DUSP11: variants seen among roughly 807,000 people sequenced by gnomAD.
DUSP11 encodes the protein RNA/RNP complex-1-interacting phosphatase.
A neutral mutation model predicts 41.4 loss-of-function variants in DUSP11; 27 were observed. That is an observed-to-expected ratio of 0.65 (90% CI 0.48 to 0.90). The LOEUF (loss-of-function observed/expected upper bound fraction) is 0.90, where lower values mean the gene tolerates loss of function less well. Among genes scored for constraint, DUSP11 ranks in the 40% least tolerant of loss-of-function variants. The probability of loss-of-function intolerance (pLI) is 0.00; values close to 1 mark genes in which losing one functional copy is unlikely to be tolerated. For missense variants in DUSP11, 465 were observed against 461.1 expected, an observed-to-expected ratio of 1.01 and a Z score of -0.08; for synonymous variants, 188 against 159.3, an observed-to-expected ratio of 1.18 and a Z score of -1.35.
chr2:73,778,911 G>T (rs1478660795), intron 1 of DUSP11, among the ~76,000 whole-genome samples: 1 of 152,104 alleles, frequency 6.6e-6, no homozygotes, highest in East Asian at 1.9e-4. Flanking sequence ...AATTTGGGAG[G>T]CTGAGGCAGG....
At chr2:73,765,551 C>CCCACCCAT (rs1304884571) in intron 8 of DUSP11, among the ~76,000 whole-genome samples, 1 of 151,742 alleles carries the variant, frequency 6.6e-6, no homozygotes, top group East Asian at 1.9e-4. Context: ...CTCCCATCCA[C>CCCACCCAT]CCACCCATCC....
At chr2:73,769,035 A>G in intron 5 of DUSP11, 1 of 404,592 alleles carries the variant, frequency 2.5e-6, no homozygotes, top group Non-Finnish European at 4.4e-6. Context: ...ATTAAAAAAC[A>G]GAATGTCTAA....
chr2:73,770,324 G>A (rs1286595948), intron 4 of DUSP11, among the ~76,000 whole-genome samples: 2 of 151,876 alleles, frequency 1.3e-5, no homozygotes, highest in African/African-American at 4.8e-5. Context: ...AGACCAGCCT[G>A]GCCAATATGG....
chr2:73,776,279 G>A (rs974326793), intron 2 of DUSP11, among the ~76,000 whole-genome samples: 1 of 151,874 alleles, frequency 6.6e-6, no homozygotes, highest in African/African-American at 2.4e-5. Context: ...GCCAGGCGTG[G>A]TGGCAGGCGC....
At chr2:73,766,565 C>T in exon 8 of DUSP11, 2 of 1,613,318 alleles carry the variant, frequency 1.2e-6, no homozygotes, top group African/African-American at 1.3e-5. Context: ...TTCAAAATCA[C>T]TTGACCTGGG....
intron 4 of DUSP11, among the ~76,000 whole-genome samples, chr2:73,771,727 C>T (rs1311835347): frequency 6.8e-6 from 1 of 146,954 alleles, no homozygotes; most frequent in East Asian, 2.0e-4. Flanking sequence ...TGGTCTCGAT[C>T]TCCTGACCTC....
exon 8 of DUSP11, chr2:73,766,550 G>A (rs1335873651): frequency 6.2e-7 from 1 of 1,613,856 alleles, no homozygotes; most frequent in East Asian, 2.2e-5. Flanking sequence ...GAGATGTGCT[G>A]AGTCTTCAAA....
chr2:73,765,520 C>T (rs1402081632), intron 8 of DUSP11, among the ~76,000 whole-genome samples: 1 of 152,086 alleles, frequency 6.6e-6, no homozygotes, highest in Non-Finnish European at 1.5e-5. Context: ...TAAGCTGATA[C>T]CCCGAATAAA....
At chr2:73,772,061 C>T (rs1027610409) in intron 4 of DUSP11, among the ~76,000 whole-genome samples, 4 of 151,990 alleles carry the variant, frequency 2.6e-5, no homozygotes, top group Non-Finnish European at 5.9e-5. Flanking sequence ...ACCTCGTGAT[C>T]CGCCCACCTC....
intron 4 of DUSP11, among the ~76,000 whole-genome samples, chr2:73,771,903 C>T (rs1419127881): frequency 2.8e-5 from 4 of 144,670 alleles, no homozygotes; most frequent in Admixed American, 1.4e-4. Flanking sequence ...TCACTGAAAG[C>T]TCCGCCTCCC....
intron 4 of DUSP11, among the ~76,000 whole-genome samples, chr2:73,772,788 T>C (rs1033787164): frequency 6.6e-6 from 1 of 152,248 alleles, no homozygotes; most frequent in African/African-American, 2.4e-5. Context: ...AGTGAGCGAC[T>C]AGGTTACAAT....
intron 5 of DUSP11, chr2:73,768,577 G>A (rs1294125747): frequency 2.0e-6 from 2 of 985,180 alleles, no homozygotes; most frequent in South Asian, 4.7e-5. Context: ...ACATAGAAAT[G>A]TTCACTACTT....
chr2:73,776,620 G>C (rs556449169), intron 2 of DUSP11, among the ~76,000 whole-genome samples: 21 of 151,998 alleles, frequency 1.4e-4, no homozygotes, highest in Non-Finnish European at 2.6e-4. Context: ...AAAGTCTAGA[G>C]GTTAGGTATG....
intron 4 of DUSP11, among the ~76,000 whole-genome samples, chr2:73,772,642 A>G (rs1182848004): frequency 1.3e-5 from 2 of 152,232 alleles, no homozygotes; most frequent in Non-Finnish European, 2.9e-5. Context: ...CTGTACCCTC[A>G]TATCTTAAAA....
chr2:73,771,315 C>T (rs1277002527), intron 4 of DUSP11, among the ~76,000 whole-genome samples: 3 of 152,208 alleles, frequency 2.0e-5, no homozygotes, highest in Non-Finnish European at 2.9e-5. Flanking sequence ...GCTGCCTCTC[C>T]ATGGCTTTAG....
chr2:73,768,980 A>G (rs115321295), intron 5 of DUSP11: 3,173 of 272,570 alleles, frequency 0.012, 48 homozygotes, highest in Non-Finnish European at 0.015. Flanking sequence ...AAAAAAGAAT[A>G]AGGAGTCCAA....
In DUSP11 at chr2:73,765,833, A is replaced by G. The variant is rs371334244; in HGVS notation, c.935+585T>C. Among the ~76,000 whole-genome samples, 58 of 152,356 alleles carry G rather than the reference A, an allele frequency of 3.8e-4. No individual in the cohort carries two copies. The South Asian group carries it at 0.011, about 29-fold the overall frequency. ...TACTACATTAATGTAGCCTAAGAATATAAGATCCTTTTTGATAGCCACATC... is the reference window on the plus strand; with the variant it reads ...TACTACATTAATGTAGCCTAAGAATGTAAGATCCTTTTTGATAGCCACATC... On this transcript the variant is annotated intron_variant, in intron 8 of 8. Coordinates refer to ENST00000272444, the Ensembl canonical transcript of DUSP11.
chr2:73,770,684 C>T (rs1022056129), intron 4 of DUSP11, among the ~76,000 whole-genome samples: 1 of 152,120 alleles, frequency 6.6e-6, no homozygotes, highest in Non-Finnish European at 1.5e-5. Context: ...CTCAATTTAG[C>T]ATAGCATGAA....
exon 8 of DUSP11, chr2:73,766,542 G>C (rs1468280387): frequency 6.2e-7 from 1 of 1,613,966 alleles, no homozygotes. Flanking sequence ...GGTTGCATGA[G>C]ATGTGCTGAG....
Sources: allele counts gnomAD v4.1 joint callset (sites outside exome capture counted in the v4.1 genomes callset), GRCh38; gene constraint gnomAD v4.1.1; transcripts MANE v1.5; gene names NCBI Gene and HGNC (gene_info 2026-07-23, HGNC 2026-07-21).